TEK: variants seen among roughly 807,000 people sequenced by gnomAD.
TEK encodes the protein TEK receptor tyrosine kinase, also known as angiopoietin-1 receptor.
Under a neutral mutation model 131.8 loss-of-function variants are expected in TEK, and 43 were observed. The observed-to-expected ratio is 0.33, with a 90% confidence interval of 0.26 to 0.42. The LOEUF (loss-of-function observed/expected upper bound fraction) is 0.42, where lower values mean the gene tolerates loss of function less well. TEK is among the 10% of genes least tolerant of loss of function. TEK has a pLI of 1.00. For synonymous variants in TEK, 580 were observed against 491.6 expected, an observed-to-expected ratio of 1.18 and a Z score of -2.38; for missense variants, 1,162 against 1,384.4, an observed-to-expected ratio of 0.84 and a Z score of 2.55.
At chr9:27,208,899 T>C (rs977163108) in intron 15 of TEK, among the ~76,000 whole-genome samples, 4 of 152,212 alleles carry the variant, frequency 2.6e-5, no homozygotes, top group Admixed American at 1.3e-4. Flanking sequence ...CCAGGATGGC[T>C]GCAAAACATC....
intron 19 of TEK, among the ~76,000 whole-genome samples, chr9:27,218,130 T>TGGGGGGG (rs1554702611): frequency 1.4e-5 from 2 of 139,634 alleles, no homozygotes; most frequent in Non-Finnish European, 3.1e-5. Context: ...GGCCAGACAG[T>TGGGGGGG]GGCGGGGGTC....
intron 1 of TEK, among the ~76,000 whole-genome samples, chr9:27,117,961 C>T (rs1007919995): frequency 2.6e-5 from 4 of 152,170 alleles, no homozygotes; most frequent in Non-Finnish European, 5.9e-5. Context: ...GCAGTATTGA[C>T]ATTGCTGGGG....
chr9:27,140,984 TAA>T (rs1030608169), intron 1 of TEK, among the ~76,000 whole-genome samples: 8 of 152,084 alleles, frequency 5.3e-5, no homozygotes, highest in African/African-American at 1.9e-4. Flanking sequence ...TTTTTTCTTT[TAA>T]TTTATTCGTT....
At chr9:27,148,105 A>G (rs1179481853) in intron 1 of TEK, among the ~76,000 whole-genome samples, 1 of 152,206 alleles carries the variant, frequency 6.6e-6, no homozygotes, top group African/African-American at 2.4e-5. Flanking sequence ...TAAGTGATGA[A>G]TTAGGGTTAG....
In TEK at chr9:27,229,342, T is replaced by G; in HGVS notation, c.*110T>G. On this transcript the variant is annotated 3_prime_UTR_variant, in exon 23 of 23. Transcript: ENST00000380036. ...AGGATGTGATATATAAGTGTACATA[T>G]GTGCTGTACACCTGGGACCTTCACC... 1 of 1,044,642 alleles carries G rather than the reference T, an allele frequency of 9.6e-7. No individual in the cohort carries two copies. Among genetic ancestry groups the G allele is most frequent in the Admixed American group, 1.7e-5 (1 of 58,786 alleles). 64.7% of individuals were successfully genotyped at this position (1,044,642 alleles called of 1,614,324 possible). A position where few individuals can be genotyped will look rare whatever the true frequency, so the allele number is the denominator to read the frequency against.
rs1176307952 is a variant in TEK at position 27,109,648 on chromosome 9, G to A, written c.52+6G>A. 4 of 1,613,976 alleles carry A rather than the reference G, an allele frequency of 2.5e-6. No individual in the cohort carries two copies. Among genetic ancestry groups the A allele is most frequent in the Admixed American group, 3.3e-5 (2 of 60,030 alleles). On this transcript the variant is annotated splice_donor_region_variant and intron_variant, in intron 1 of 22. Transcript: ENST00000380036. Reference sequence around the variant, plus strand: ...AGTCAGCTTGCTCCTTTCTGGTAAGGTTTGGCTTTATTTTTTTTAATTTAG... The same window carrying A: ...AGTCAGCTTGCTCCTTTCTGGTAAGATTTGGCTTTATTTTTTTTAATTTAG...
In TEK at chr9:27,180,251, G is replaced by C; in HGVS notation, c.913G>C (p.Gly305Arg). The change falls in exon 7 of 23, where the codon GGT becomes CGT. Residue 305 changes from glycine (G) to arginine (R), a missense_variant. Transcript: ENST00000380036. ...GTCTCTGTTTACAGCATGCCACCCT[G>C]GTTTTTACGGGCCAGATTGTAAGCT... ...GLQCNEACHP[G>R]FYGPDCKLRC... is the part of the protein sequence containing the mutation. The C allele has an allele frequency of 6.2e-7, 1 of 1,613,818 alleles. No homozygotes were observed.
chr9:27,164,052 T>A (rs1823633632), intron 2 of TEK, among the ~76,000 whole-genome samples: 1 of 152,224 alleles, frequency 6.6e-6, no homozygotes, highest in Non-Finnish European at 1.5e-5. Context: ...ATGAGGTGGT[T>A]GGACCTTAAA....
chr9:27,185,315 G>A (rs758087543), intron 8 of TEK, among the ~76,000 whole-genome samples, 170 bp from the exon 9 acceptor site: 2 of 152,144 alleles, frequency 1.3e-5, no homozygotes, highest in Non-Finnish European at 2.9e-5. Context: ...AACTTTCAGG[G>A]CTACTACAAT....
In TEK at chr9:27,153,242, T is replaced by C. The variant is rs375544692; in HGVS notation, c.53-4589T>C. On this transcript the variant is annotated intron_variant, in intron 1 of 22. Coordinates refer to ENST00000380036, the MANE Select transcript of TEK (RefSeq NM_000459.5). Reference sequence around the variant, plus strand: ...GGCGGGTGGATCACGACGTCAGGAGTTCAAGACCAGCCTGGCCAACATGGT... The same window carrying C: ...GGCGGGTGGATCACGACGTCAGGAGCTCAAGACCAGCCTGGCCAACATGGT... 3.8e-4 allele frequency among the ~76,000 whole-genome samples: 57 copies of C among 151,588 alleles called. 1 individual carries two copies. In the East Asian group the frequency reaches 0.01, roughly 27 times the overall value.
chr9:27,208,538 A>T (rs561465916), intron 15 of TEK, among the ~76,000 whole-genome samples: 2 of 152,218 alleles, frequency 1.3e-5, no homozygotes, highest in African/African-American at 2.4e-5. Context: ...TGCAACTTCC[A>T]TAAGATACCA....
chr9:27,129,922 G>A (rs2131059037), intron 1 of TEK, among the ~76,000 whole-genome samples: 1 of 152,236 alleles, frequency 6.6e-6, no homozygotes, highest in East Asian at 1.9e-4. Context: ...AAAACTCATA[G>A]GTAGGTTTAA....
At chr9:27,118,910 C>A (rs1821672828) in intron 1 of TEK, among the ~76,000 whole-genome samples, 1 of 152,142 alleles carries the variant, frequency 6.6e-6, no homozygotes, top group African/African-American at 2.4e-5. Context: ...CTGGAGCTAC[C>A]AACTTCGCTG....
At chr9:27,185,717 C>G (rs1050023004) in intron 9 of TEK, 88 bp downstream of exon 9, 3 of 1,534,344 alleles carry the variant, frequency 2.0e-6, no homozygotes, top group Non-Finnish European at 2.7e-6. Flanking sequence ...TATGCGACCA[C>G]TAAAATACCT....
At position 27,209,920 on chromosome 9, in the gene TEK, G is replaced by A. The variant is rs143513777; in HGVS notation, c.2686+689G>A. Among the ~76,000 whole-genome samples the A allele has an allele frequency of 1.3e-3, 192 of 152,268 alleles. 2 individuals carry two copies. Among genetic ancestry groups the A allele is most frequent in the African/African-American group, 4.5e-3 (187 of 41,560 alleles). On this transcript the variant is annotated intron_variant, in intron 16 of 22. Transcript: ENST00000380036. ...ATGGGTTTACCTCTGCATGCAGCAT[G>A]GCCTTGTAGTTCTGAATCTCTGCTT...
At chr9:27,130,052 A>G (rs1394428716) in intron 1 of TEK, among the ~76,000 whole-genome samples, 25 of 152,258 alleles carry the variant, frequency 1.6e-4, no homozygotes, top group Admixed American at 1.6e-3. Flanking sequence ...GAAATTTAAC[A>G]AAATAATTAT....
In TEK at chr9:27,202,956, C is replaced by G. The variant is rs112475919; in HGVS notation, c.2046C>G (p.Asp682Glu). ...IRYKVQGKNE[D>E]QHVDVKIKNA... ...ACAAGGTTCAAGGCAAGAATGAAGA[C>G]CAGCACGTTGATGTGAAGATAAAGA... Residue 682 changes from aspartate to glutamate, a missense_variant, in exon 13 of 23, where the codon GAC becomes GAG. Coordinates refer to ENST00000380036, the MANE Select transcript of TEK (RefSeq NM_000459.5). 1 of 1,614,092 alleles carries G rather than the reference C, an allele frequency of 6.2e-7. No individual in the cohort carries two copies. Among genetic ancestry groups the G allele is most frequent in the East Asian group, 2.2e-5 (1 of 44,866 alleles).
chr9:27,153,728 A>T (rs1378253450), intron 1 of TEK, among the ~76,000 whole-genome samples: 1 of 152,234 alleles, frequency 6.6e-6, no homozygotes, highest in Non-Finnish European at 1.5e-5. Flanking sequence ...GTATGAGCCC[A>T]GATAGGATCT....
chr9:27,123,733 A>C (rs1821886223), intron 1 of TEK, among the ~76,000 whole-genome samples: 1 of 152,204 alleles, frequency 6.6e-6, no homozygotes, highest in African/African-American at 2.4e-5. Context: ...CAGAGAAGTC[A>C]GCATTTTGTT....
Sources: allele counts gnomAD v4.1 joint callset (sites outside exome capture counted in the v4.1 genomes callset), GRCh38; gene constraint gnomAD v4.1.1; transcripts MANE v1.5; gene names NCBI Gene and HGNC (gene_info 2026-07-23, HGNC 2026-07-21).